DLG5: variants seen among roughly 807,000 people sequenced by gnomAD.
The protein encoded by DLG5 is discs large MAGUK scaffold protein 5.
In DLG5, 48 loss-of-function variants were observed where a neutral mutation model predicts 189.8. The ratio of observed to expected loss-of-function variants is 0.25; its 90% CI spans 0.20 to 0.32. The LOEUF is 0.32. Among genes scored for constraint, DLG5 ranks in the 10% least tolerant of loss-of-function variants. The pLI is 1.00. For missense variants in DLG5, 2,160 were observed against 2,544.7 expected, an observed-to-expected ratio of 0.85 and a Z score of 3.25; for synonymous variants, 1,016 against 1,054.1, an observed-to-expected ratio of 0.96 and a Z score of 0.70.
chr10:77,837,497 A>T (rs1278079453), intron 7 of DLG5, among the ~76,000 whole-genome samples: 2 of 152,142 alleles, frequency 1.3e-5, no homozygotes, highest in African/African-American at 4.8e-5. Flanking sequence ...GCCCCACACC[A>T]TTGCTGGTAT....
At position 77,893,439 on chromosome 10, in the gene DLG5, G is replaced by A. The variant is rs1313647743; in HGVS notation, c.305-24242C>T. 4.6e-5 allele frequency among the ~76,000 whole-genome samples: 7 copies of A among 152,238 alleles called. No individual in the cohort carries two copies. The South Asian group carries it at 1.2e-3, about 27-fold the overall frequency. On this transcript the variant is annotated intron_variant, in intron 1 of 31. Transcript: ENST00000372391. Reference sequence around the variant, plus strand: ...GACATCTCAGCCCCACTTTACTGAAGAGAAAACAAGGTCGAGAGAGGCCAT... The same window carrying A: ...GACATCTCAGCCCCACTTTACTGAAAAGAAAACAAGGTCGAGAGAGGCCAT...
intron 1 of DLG5, among the ~76,000 whole-genome samples, chr10:77,890,093 A>C (rs1371923511): frequency 6.6e-6 from 1 of 152,214 alleles, no homozygotes; most frequent in Non-Finnish European, 1.5e-5. Flanking sequence ...GAAGAAAAAA[A>C]ATACAACATG....
intron 5 of DLG5, among the ~76,000 whole-genome samples, chr10:77,847,568 CA>C (rs1338064739): frequency 2.0e-5 from 3 of 152,062 alleles, no homozygotes; most frequent in Non-Finnish European, 4.4e-5. Flanking sequence ...CCGGAGAATC[CA>C]AAAAACTAAA....
upstream of DLG5, chr10:77,928,642 A>T (rs1037439635): frequency 2.0e-5 from 3 of 152,288 alleles, no homozygotes; most frequent in Admixed American, 2.0e-4. Flanking sequence ...TCTTAGCTGG[A>T]TTAACTAGAA....
intron 27 of DLG5, among the ~76,000 whole-genome samples, chr10:77,802,762 T>C (rs534703618): frequency 6.6e-6 from 1 of 152,232 alleles, no homozygotes; most frequent in African/African-American, 2.4e-5. Flanking sequence ...TAGCCAGATG[T>C]GGTGACAGGC....
At chr10:77,793,272 CCACACACACA>C (rs59847887) in intron 31 of DLG5, 1 of 150,492 alleles carries the variant, frequency 6.6e-6, no homozygotes, top group Admixed American at 6.7e-5. Flanking sequence ...ACACACACAC[CCACACACACA>C]CACACACAGA....
At chr10:77,851,664 C>T (rs1396484670) in intron 5 of DLG5, among the ~76,000 whole-genome samples, 1 of 152,246 alleles carries the variant, frequency 6.6e-6, no homozygotes, top group Non-Finnish European at 1.5e-5. Context: ...GTATATCCAT[C>T]TTAGGGTCTC....
Position 77,872,616 on chromosome 10 carries a change from G to A in DLG5, c.305-3419C>T, listed in dbSNP as rs575843925. 5.9e-5 allele frequency among the ~76,000 whole-genome samples: 9 copies of A among 152,238 alleles called. No homozygotes were observed. In the South Asian group the frequency reaches 1.9e-3, roughly 32 times the overall value. On this transcript the variant is annotated intron_variant, in intron 1 of 31. Transcript: ENST00000372391. ...TAAGGGGGAAAAAAGGCCCAAAGACGACATTGTCTCGGTCATGCTTTGTCT... is the reference window on the plus strand; with the variant it reads ...TAAGGGGGAAAAAAGGCCCAAAGACAACATTGTCTCGGTCATGCTTTGTCT...
chr10:77,835,590 A>G (rs1843087700), intron 8 of DLG5, 148 bp downstream of exon 8: 2 of 801,694 alleles, frequency 2.5e-6, no homozygotes, highest in Non-Finnish European at 3.8e-6. Context: ...AGGCTAGGGC[A>G]TCAACTAGGG....
Position 77,843,620 on chromosome 10 carries a change from A to G in DLG5, c.951T>C (p.Tyr317=), listed in dbSNP as rs140302302. The change falls in exon 6 of 32, where the codon TAT becomes TAC. Residue 317 remains tyrosine, a synonymous_variant. Transcript: ENST00000372391. ...MDKLEVVKKD[Y]DALRKRYSEK... ...CACTGTACCTCTTCCGAAGGGCGTC[A>G]TAGTCCTTCTTGACCACCTCCAACT... 85 of 1,613,536 alleles carry G rather than the reference A, an allele frequency of 5.3e-5. No individual in the cohort carries two copies. In the African/African-American group the frequency reaches 9.4e-4, roughly 18 times the overall value.
In DLG5 at chr10:77,824,480, G is replaced by A; in HGVS notation, c.2290-4C>T. ...TGTCCAGTGCAATGCCATTGATCTAGAGCAGGACAGAGAGCATGTCAGGCC... is the reference window on the plus strand; with the variant it reads ...TGTCCAGTGCAATGCCATTGATCTAAAGCAGGACAGAGAGCATGTCAGGCC... On this transcript the variant is annotated splice_polypyrimidine_tract_variant and splice_region_variant and intron_variant, in intron 13 of 31. Coordinates refer to ENST00000372391, the MANE Select transcript of DLG5 (RefSeq NM_004747.4). 6.2e-7 allele frequency: 1 copy of A among 1,612,258 alleles called. No individual in the cohort carries two copies. The highest frequency in any genetic ancestry group is 8.5e-7 in the Non-Finnish European group (1 of 1,178,894).
chr10:77,794,318 A>C (rs1028301376), intron 30 of DLG5, among the ~76,000 whole-genome samples: 1 of 152,208 alleles, frequency 6.6e-6, no homozygotes, highest in Non-Finnish European at 1.5e-5. Flanking sequence ...AGGGCCCCCC[A>C]GCACACACAC....
intron 2 of DLG5, among the ~76,000 whole-genome samples, chr10:77,867,682 C>T (rs1844738581): frequency 6.6e-6 from 1 of 152,228 alleles, no homozygotes; most frequent in African/African-American, 2.4e-5. Flanking sequence ...TGTGGCCCCC[C>T]AAAAGATGCT....
chr10:77,885,763 C>T (rs1276903651), intron 1 of DLG5, among the ~76,000 whole-genome samples: 2 of 152,246 alleles, frequency 1.3e-5, no homozygotes, highest in African/African-American at 4.8e-5. Flanking sequence ...TCAGCCCTCT[C>T]ATAGTTTAAG....
At chr10:77,925,626 G>A (rs564334099) in intron 1 of DLG5, among the ~76,000 whole-genome samples, 1 of 152,318 alleles carries the variant, frequency 6.6e-6, no homozygotes, top group African/African-American at 2.4e-5. Context: ...ATGGTGCAAT[G>A]CAACTTCCCC....
rs549999020 is a variant in DLG5, at chr10:77,919,003, G to A, written c.304+7214C>T. Among the ~76,000 whole-genome samples the A allele has an allele frequency of 2.0e-5, 3 of 152,214 alleles. No homozygotes were observed. The East Asian group carries it at 5.8e-4, about 29-fold the overall frequency. Reference sequence around the variant, plus strand: ...GGCTGAGGTAGGCGGATCACCTGAGGTCAGGAATTCGAGACCAGCCTGGCC... The same window carrying A: ...GGCTGAGGTAGGCGGATCACCTGAGATCAGGAATTCGAGACCAGCCTGGCC... On this transcript the variant is annotated intron_variant, in intron 1 of 31. Coordinates refer to ENST00000372391, the MANE Select transcript of DLG5 (RefSeq NM_004747.4).
chr10:77,797,322 A>G lies in DLG5; in HGVS notation c.5165-728T>C, dbSNP rs566203721. ...AAGTCCTTGCAGGGAGACACAGTCT[A>G]AAACCCAGCAAGATCTTCCTGGCGT... On this transcript the variant is annotated intron_variant, in intron 27 of 31. Coordinates refer to ENST00000372391, the MANE Select transcript of DLG5 (RefSeq NM_004747.4). Among the ~76,000 whole-genome samples, 13 of 152,378 alleles carry G rather than the reference A, an allele frequency of 8.5e-5. No individual in the cohort carries two copies. In the East Asian group the frequency reaches 1.7e-3, roughly 20 times the overall value.
At chr10:77,851,372 C>T (rs576250070) in intron 5 of DLG5, among the ~76,000 whole-genome samples, 1 of 152,340 alleles carries the variant, frequency 6.6e-6, no homozygotes, top group African/African-American at 2.4e-5. Flanking sequence ...AGAGCTAGCA[C>T]GGCACTTTCT....
chr10:77,877,745 T>C (rs1461517038), intron 1 of DLG5, among the ~76,000 whole-genome samples: 2 of 151,932 alleles, frequency 1.3e-5, no homozygotes, highest in African/African-American at 2.4e-5. Context: ...GAGGGTCTGA[T>C]TAAGGAGGAG....
Sources: gnomAD v4.1 joint callset for allele counts (sites outside exome capture counted in the v4.1 genomes callset) on GRCh38, gnomAD v4.1.1 for gene constraint, MANE v1.5 for transcripts, NCBI Gene and HGNC (gene_info 2026-07-23, HGNC 2026-07-21) for gene names.